CNTNAP5: variants seen among roughly 807,000 people sequenced by gnomAD.
CNTNAP5 encodes contactin-associated protein-like 5.
A neutral mutation model predicts 150.2 loss-of-function variants in CNTNAP5; 72 were observed. That is an observed-to-expected ratio of 0.48 (90% confidence interval 0.40 to 0.58). CNTNAP5 has a LOEUF of 0.58. Ranked by LOEUF, CNTNAP5 falls within the 20% of genes least tolerant of loss-of-function variation. The pLI is 0.00. For missense variants in CNTNAP5, 1,636 were observed against 1,626.2 expected, an observed-to-expected ratio of 1.01 and a Z score of -0.10; for synonymous variants, 672 against 619.8, an observed-to-expected ratio of 1.08 and a Z score of -1.25.
intron 3 of CNTNAP5, among the ~76,000 whole-genome samples, chr2:124,354,021 AAACTT>A (rs1358797016): frequency 1.1e-4 from 16 of 152,222 alleles, no homozygotes; most frequent in Non-Finnish European, 4.4e-5. Context: ...TGAACCATAA[AAACTT>A]AACAGGATTC....
At chr2:124,215,712 C>CAAAAAAAAAAAAAAAAAAAAAAAAGGA (rs397985759) in intron 1 of CNTNAP5, among the ~76,000 whole-genome samples, 1 of 82,058 alleles carries the variant, frequency 1.2e-5, no homozygotes, top group African/African-American at 4.4e-5. Flanking sequence ...AGAAGAAAGG[C>CAAAAAAAAAAAAAAAAAAAAAAAAGGA]AAAAAAAAAA....
At chr2:124,376,787 G>A (rs995652715) in intron 3 of CNTNAP5, among the ~76,000 whole-genome samples, 1 of 151,278 alleles carries the variant, frequency 6.6e-6, no homozygotes, top group African/African-American at 2.5e-5. Context: ...AGAGAGTTCG[G>A]ATGGCCCTAC....
chr2:124,117,549 T>A (rs1396527470), intron 1 of CNTNAP5, among the ~76,000 whole-genome samples: 1 of 152,196 alleles, frequency 6.6e-6, no homozygotes, highest in Admixed American at 6.6e-5. Flanking sequence ...AGGAAAAGAA[T>A]ATTTAAACAA....
At position 124,599,984 on chromosome 2, in the gene CNTNAP5, C is replaced by T. The variant is rs116642395; in HGVS notation, c.1757-9817C>T. Among the ~76,000 whole-genome samples, 768 of 151,868 alleles carry T rather than the reference C, an allele frequency of 5.1e-3. 5 individuals are homozygous for T. The highest frequency in any genetic ancestry group is 0.018 in the African/African-American group (734 of 41,438). ...CTTTTTTTTTTGCATGTGATTTTCTCAGAGCTTACCTTAGATTAGTGAAAA... is the reference window on the plus strand; with the variant it reads ...CTTTTTTTTTTGCATGTGATTTTCTTAGAGCTTACCTTAGATTAGTGAAAA... On this transcript the variant is annotated intron_variant, in intron 11 of 23. Coordinates refer to ENST00000682447, the MANE Select transcript of CNTNAP5 (RefSeq NM_001367498.1).
chr2:124,120,094 G>T (rs979368639), intron 1 of CNTNAP5, among the ~76,000 whole-genome samples: 5 of 152,166 alleles, frequency 3.3e-5, no homozygotes, highest in Admixed American at 3.3e-4. Flanking sequence ...CCACTGTTCT[G>T]GGGATAGAGC....
intron 1 of CNTNAP5, among the ~76,000 whole-genome samples, chr2:124,206,087 AC>A (rs1022966800): frequency 2.6e-5 from 4 of 152,218 alleles, no homozygotes; most frequent in Admixed American, 2.6e-4. Context: ...AAGATTGAGA[AC>A]AGATGAATAG....
intron 3 of CNTNAP5, among the ~76,000 whole-genome samples, chr2:124,387,051 T>C (rs1309062924): frequency 6.6e-6 from 1 of 152,240 alleles, no homozygotes; most frequent in African/African-American, 2.4e-5. Context: ...CCCCACCATA[T>C]TGGCACCCTG....
intron 13 of CNTNAP5, among the ~76,000 whole-genome samples, chr2:124,723,949 TC>T (rs1404950923): frequency 7.2e-6 from 1 of 139,142 alleles, no homozygotes; most frequent in Non-Finnish European, 1.7e-5. Flanking sequence ...ATTGAGGCCA[TC>T]CTGGCAAAAC....
intron 17 of CNTNAP5, among the ~76,000 whole-genome samples, chr2:124,786,540 AAGAG>A (rs1338193375): frequency 6.6e-6 from 1 of 151,588 alleles, no homozygotes; most frequent in Non-Finnish European, 1.5e-5. Flanking sequence ...AAAGGAAAGA[AAGAG>A]AAAGGAAAGA....
chr2:124,842,645 TAGA>T (rs1305171891), intron 19 of CNTNAP5, among the ~76,000 whole-genome samples: 1 of 152,164 alleles, frequency 6.6e-6, no homozygotes, highest in African/African-American at 2.4e-5. Context: ...AGCACTGAAA[TAGA>T]AGAAGATAAT....
chr2:124,145,832 G>GAAAAAAAAGAAAAAAA (rs1684233809), intron 1 of CNTNAP5, among the ~76,000 whole-genome samples: 1 of 34,220 alleles, frequency 2.9e-5, no homozygotes, highest in South Asian at 1.8e-3. Flanking sequence ...AAAAAAAGAA[G>GAAAAAAAAGAAAAAAA]AAAAAAAAAA....
chr2:124,071,830 A>C (rs1010538676), intron 1 of CNTNAP5, among the ~76,000 whole-genome samples: 4 of 152,016 alleles, frequency 2.6e-5, no homozygotes, highest in African/African-American at 9.7e-5. Context: ...ACTATTTCAA[A>C]AAAATAGAGG....
intron 21 of CNTNAP5, among the ~76,000 whole-genome samples, chr2:124,871,796 A>G (rs966623441): frequency 2.0e-5 from 3 of 151,974 alleles, no homozygotes; most frequent in African/African-American, 7.3e-5. Flanking sequence ...TCTTTTTAAA[A>G]TATCTTACTT....
rs1553433726 is a variant in CNTNAP5 at position 124,707,201 on chromosome 2, G to GAAT, written c.2078-40026_2078-40025insTAA. 5.7e-5 allele frequency among the ~76,000 whole-genome samples: 8 copies of GAAT among 140,632 alleles called. No individual in the cohort carries two copies. The South Asian group carries it at 9.4e-4, about 16-fold the overall frequency. 92.3% of individuals were successfully genotyped at this position (140,632 alleles called of 152,430 possible). ...AGAAGAAGAAGAAGAAGAAGAAGAA[G>GAAT]AAGAATAAACAACTTGGGATCATTC... On this transcript the variant is annotated intron_variant, in intron 13 of 23. Coordinates refer to ENST00000682447, the MANE Select transcript of CNTNAP5 (RefSeq NM_001367498.1).
chr2:124,242,982 A>T (rs1348360770), intron 3 of CNTNAP5, among the ~76,000 whole-genome samples: 1 of 152,210 alleles, frequency 6.6e-6, no homozygotes, highest in Non-Finnish European at 1.5e-5. Context: ...AACAATCTTC[A>T]GCTTCAGAGT....
chr2:124,332,940 T>A (rs567059331), intron 3 of CNTNAP5, among the ~76,000 whole-genome samples: 1 of 152,330 alleles, frequency 6.6e-6, no homozygotes, highest in African/African-American at 2.4e-5. Context: ...CTTATTTTTT[T>A]ATTTATAAAT....
At chr2:124,261,384 G>A (rs1170599) in intron 3 of CNTNAP5, among the ~76,000 whole-genome samples, 50,704 of 151,994 alleles carry the variant, frequency 0.33, 8,843 homozygotes, top group Admixed American at 0.41. Context: ...AAGAGAACAC[G>A]TCGCACTTTA....
rs192435252 is a variant in CNTNAP5 at position 124,772,979 on chromosome 2, G to T, written c.2714G>T (p.Gly905Val). Residue 905 changes from glycine to valine, a missense_variant, in exon 17 of 24, where the codon GGC (glycine) becomes GTC (valine). Gly to Val is a moderately radical substitution (Grantham distance 109, BLOSUM62 -3). Transcript: ENST00000682447. ...PRSTRETSEEGHFRLQLNSQL... is the reference protein window; with the variant it reads ...PRSTRETSEEVHFRLQLNSQL... ...AGCACCAGGGAGACGTCGGAGGAGGGCCATTTTCGACTGCAGCTGAACAGC... is the reference window on the plus strand; with the variant it reads ...AGCACCAGGGAGACGTCGGAGGAGGTCCATTTTCGACTGCAGCTGAACAGC... The T allele has an allele frequency of 2.2e-5, 35 of 1,613,436 alleles. No individual in the cohort carries two copies. In the East Asian group the frequency reaches 3.6e-4, roughly 16 times the overall value.
At chr2:124,104,136 C>G (rs1319001958) in intron 1 of CNTNAP5, among the ~76,000 whole-genome samples, 2 of 151,088 alleles carry the variant, frequency 1.3e-5, no homozygotes, top group Non-Finnish European at 2.9e-5. Context: ...TCTCAACTTT[C>G]CTATACAACC....
Sources: gnomAD v4.1 joint callset for allele counts (sites outside exome capture counted in the v4.1 genomes callset) on GRCh38, gnomAD v4.1.1 for gene constraint, MANE v1.5 for transcripts, NCBI Gene and HGNC (gene_info 2026-07-23, HGNC 2026-07-21) for gene names.